ERGIC1: variants seen among roughly 807,000 people sequenced by gnomAD.
ERGIC1 encodes endoplasmic reticulum-golgi intermediate compartment 1.
ERGIC1 carries 19 observed loss-of-function variants against 38.3 expected under a neutral mutation model. The ratio of observed to expected loss-of-function variants is 0.50; its 90% confidence interval spans 0.35 to 0.73. The LOEUF (loss-of-function observed/expected upper bound fraction) is 0.73, where lower values mean the gene tolerates loss of function less well. Ranked by LOEUF, ERGIC1 falls within the 30% of genes least tolerant of loss-of-function variation. The pLI is 0.01. For synonymous variants in ERGIC1, 124 were observed against 157.6 expected (o/e 0.79, Z 1.60); for missense variants, 294 against 389.2 (o/e 0.76, Z 2.06).
intron 1 of ERGIC1, among the ~76,000 whole-genome samples, chr5:172,886,021 G>A (rs544137958): frequency 7.2e-5 from 11 of 152,140 alleles, no homozygotes; most frequent in Admixed American, 5.9e-4. Flanking sequence ...GCTGGGGCTC[G>A]GTGATGGCCG....
chr5:172,854,179 G>A (rs1039536524), intron 1 of ERGIC1, among the ~76,000 whole-genome samples: 3 of 150,568 alleles, frequency 2.0e-5, no homozygotes, highest in Non-Finnish European at 3.0e-5. Flanking sequence ...CCAGGAGTTC[G>A]AGACCAGCCT....
At chr5:172,895,141 A>G (rs527747735) in intron 2 of ERGIC1, among the ~76,000 whole-genome samples, 1 of 152,296 alleles carries the variant, frequency 6.6e-6, no homozygotes, top group African/African-American at 2.4e-5. Flanking sequence ...AGGGTCAATC[A>G]ATGTGTTGAA....
intron 1 of ERGIC1, among the ~76,000 whole-genome samples, chr5:172,886,027 G>A (rs935818262): frequency 3.3e-5 from 5 of 152,022 alleles, no homozygotes. Context: ...GCTCGGTGAT[G>A]GCCGCCTGCT....
chr5:172,918,663 T>G (rs986069075), intron 5 of ERGIC1, among the ~76,000 whole-genome samples: 2 of 152,102 alleles, frequency 1.3e-5, no homozygotes, highest in African/African-American at 4.8e-5. Flanking sequence ...ACGCTGATGA[T>G]GAGGAGAGAA....
At chr5:172,949,997 C>T (rs142365957) in intron 9 of ERGIC1, among the ~76,000 whole-genome samples, 67 of 152,178 alleles carry the variant, frequency 4.4e-4, no homozygotes, top group African/African-American at 1.2e-3. Flanking sequence ...GCCGTGAACC[C>T]GGGAGGCGGA....
chr5:172,895,560 G>A (rs1273093136), intron 2 of ERGIC1, among the ~76,000 whole-genome samples: 1 of 152,098 alleles, frequency 6.6e-6, no homozygotes, highest in African/African-American at 2.4e-5. Flanking sequence ...CAGAGTATTT[G>A]TCTTTCTGGA....
In ERGIC1 at chr5:172,909,677, C is replaced by G. The variant is rs1467081707; in HGVS notation, c.166C>G (p.Leu56Val). ...GFITTEVVNE[L>V]YVDDPDKDSG... ...TTGTCTTTCCCCTAGTGTGAACGAGCTCTATGTCGATGACCCAGACAAGGA... is the reference window on the plus strand; with the variant it reads ...TTGTCTTTCCCCTAGTGTGAACGAGGTCTATGTCGATGACCCAGACAAGGA... The change falls in exon 4 of 10, where the codon CTC becomes GTC. Residue 56 changes from leucine to valine, a missense_variant. Leu to Val is a conservative substitution (Grantham distance 32, BLOSUM62 1). Transcript: ENST00000393784. 2 of 1,614,172 alleles carry G rather than the reference C, an allele frequency of 1.2e-6. No homozygotes were observed.
chr5:172,863,818 T>C (rs1761781093), intron 1 of ERGIC1, among the ~76,000 whole-genome samples: 1 of 152,232 alleles, frequency 6.6e-6, no homozygotes, highest in African/African-American at 2.4e-5. Flanking sequence ...TGCATGTGGC[T>C]CAACAGGCCA....
chr5:172,864,867 C>G (rs1761813944), intron 1 of ERGIC1, among the ~76,000 whole-genome samples: 1 of 151,838 alleles, frequency 6.6e-6, no homozygotes, highest in Admixed American at 6.6e-5. Flanking sequence ...TCACTTAAGC[C>G]CGGCTCACAC....
intron 1 of ERGIC1, among the ~76,000 whole-genome samples, chr5:172,874,115 G>T (rs113405159): frequency 0.045 from 6,893 of 151,760 alleles, 263 homozygotes; most frequent in African/African-American, 0.1. Flanking sequence ...GCCTTGCTCT[G>T]TCCCCCGGGC....
At chr5:172,853,856 A>G (rs1487029228) in intron 1 of ERGIC1, among the ~76,000 whole-genome samples, 1 of 152,232 alleles carries the variant, frequency 6.6e-6, no homozygotes, top group East Asian at 1.9e-4. Context: ...GGCCTGGTGA[A>G]AATTCCATGA....
Position 172,889,472 on chromosome 5 carries a change from A to G in ERGIC1, c.82+712A>G, listed in dbSNP as rs552493931. Among the ~76,000 whole-genome samples, 9 of 152,294 alleles carry G rather than the reference A, an allele frequency of 5.9e-5. 1 individual carries two copies. In the South Asian group the frequency reaches 1.7e-3, roughly 28 times the overall value. ...AGACCATTCTTCAATAAAAGGAACC[A>G]TGGCTCCTTGGAGAAATGGCTGATT... On this transcript the variant is annotated intron_variant, in intron 2 of 9. Transcript: ENST00000393784.
At chr5:172,855,413 T>C (rs962584494) in intron 1 of ERGIC1, among the ~76,000 whole-genome samples, 1 of 152,182 alleles carries the variant, frequency 6.6e-6, no homozygotes, top group Non-Finnish European at 1.5e-5. Flanking sequence ...CACTCAGTCA[T>C]GTAAGAGATG....
intron 2 of ERGIC1, among the ~76,000 whole-genome samples, chr5:172,895,492 ACT>A (rs1042279332): frequency 1.1e-4 from 17 of 151,538 alleles, no homozygotes; most frequent in East Asian, 3.9e-4. Context: ...CTGGGAGCTG[ACT>A]CTCTGCCGTA....
chr5:172,880,631 T>C (rs1019897923), intron 1 of ERGIC1, among the ~76,000 whole-genome samples: 10 of 152,212 alleles, frequency 6.6e-5, no homozygotes, highest in Non-Finnish European at 1.5e-4. Flanking sequence ...GGCTTTGTTT[T>C]TGTTTTCAAT....
chr5:172,836,949 G>A (rs374844826), intron 1 of ERGIC1, among the ~76,000 whole-genome samples: 8 of 152,326 alleles, frequency 5.3e-5, no homozygotes, highest in African/African-American at 1.7e-4. Flanking sequence ...GCATGAGCTG[G>A]TGGATCTGGG....
At chr5:172,908,118 C>T (rs751628232) in intron 3 of ERGIC1, among the ~76,000 whole-genome samples, 19 of 151,238 alleles carry the variant, frequency 1.3e-4, no homozygotes, top group Admixed American at 4.6e-4. Context: ...TGTGTGTGGC[C>T]GTGTTACCTT....
chr5:172,920,300 C>T (rs1203629648), intron 5 of ERGIC1: 2 of 717,448 alleles, frequency 2.8e-6, no homozygotes, highest in Non-Finnish European at 5.2e-6. Context: ...AGCAGCCAGC[C>T]CCCGCACCTC....
At position 172,834,695 on chromosome 5, in the gene ERGIC1, C is replaced by T. The variant is rs62385816; in HGVS notation, c.20+262C>T. Among the ~76,000 whole-genome samples, 26,815 of 150,926 alleles carry T rather than the reference C, an allele frequency of 0.18. 2,557 individuals are homozygous for T. Among genetic ancestry groups the T allele is most frequent in the East Asian group, 0.33 (1,657 of 5,048 alleles). The stretch of plus-strand genomic sequence containing the variant: ...GCCCCCTCCCCAGCCTGCCCGGATA[C>T]CTTGCATTCCCCTCCCCCACACTAG... On this transcript the variant is annotated intron_variant, in intron 1 of 9. Transcript: ENST00000393784. This position sits in a 1 kb window ranked among gnomAD's most constrained non-coding sequence, Gnocchi z 4.1.
Sources: allele counts gnomAD v4.1 joint callset (sites outside exome capture counted in the v4.1 genomes callset), GRCh38; gene constraint gnomAD v4.1.1; non-coding constraint Gnocchi (gnomAD v3.1); transcripts MANE v1.5; gene names NCBI Gene and HGNC (gene_info 2026-07-23, HGNC 2026-07-21).